Variants in PARP8 observed in about 807,000 individuals in gnomAD.
The protein encoded by PARP8 is poly(ADP-ribose) polymerase family member 8, also known as protein mono-ADP-ribosyltransferase PARP8.
PARP8 carries 51 observed loss-of-function variants against 124.1 expected under a neutral mutation model. That is an observed-to-expected ratio of 0.41 (90% CI 0.33 to 0.52). PARP8 has a LOEUF of 0.52. PARP8 is among the 20% of genes least tolerant of loss of function. PARP8 has a pLI of 0.21. For missense variants in PARP8, 860 were observed against 1,018.9 expected (o/e 0.84, Z 2.12); for synonymous variants, 391 against 361.5 (o/e 1.08, Z -0.93).
intron 10 of PARP8, among the ~76,000 whole-genome samples, chr5:50,793,942 C>G (rs1463324542): frequency 1.3e-5 from 2 of 151,902 alleles, no homozygotes; most frequent in East Asian, 3.9e-4. Flanking sequence ...ATTATCATAT[C>G]CTGGTAATAT....
intron 2 of PARP8, among the ~76,000 whole-genome samples, chr5:50,749,743 A>G (rs1357892515): frequency 6.6e-6 from 1 of 152,122 alleles, no homozygotes; most frequent in Non-Finnish European, 1.5e-5. Context: ...AAACTATTAA[A>G]ATGTTTAAAT....
chr5:50,739,620 G>A (rs1312155940), intron 2 of PARP8, among the ~76,000 whole-genome samples: 1 of 149,290 alleles, frequency 6.7e-6, no homozygotes, highest in Non-Finnish European at 1.5e-5. Context: ...TAAAGTCTGT[G>A]CTCTTTCTCC....
intron 2 of PARP8, chr5:50,744,991 C>T: frequency 2.0e-6 from 1 of 494,326 alleles, no homozygotes; most frequent in South Asian, 3.3e-5. Flanking sequence ...TTGAGCCAAT[C>T]ATCCATGTCT....
intron 2 of PARP8, among the ~76,000 whole-genome samples, chr5:50,700,920 GCAGCA>G (rs1753528903): frequency 6.6e-6 from 1 of 151,938 alleles, no homozygotes; most frequent in Non-Finnish European, 1.5e-5. Context: ...AATCCTCCAA[GCAGCA>G]CTCCAGATCC....
chr5:50,726,719 G>T (rs1044428714), intron 2 of PARP8, among the ~76,000 whole-genome samples: 6 of 152,152 alleles, frequency 3.9e-5, no homozygotes, highest in Non-Finnish European at 7.4e-5. Context: ...AAACCACTGG[G>T]AATTGTGCAG....
chr5:50,760,245 A>G (rs1363419083), intron 4 of PARP8, 47 bp from the exon 5 acceptor site: 23 of 1,372,038 alleles, frequency 1.7e-5, no homozygotes, highest in Non-Finnish European at 2.1e-5. Context: ...CTTGGTAAAT[A>G]GCATACTAAG....
At chr5:50,769,216 T>G (rs762545129) in intron 7 of PARP8, among the ~76,000 whole-genome samples, 1 of 152,114 alleles carries the variant, frequency 6.6e-6, no homozygotes, top group Non-Finnish European at 1.5e-5. Context: ...TATGGTAAAT[T>G]CTGTTGAAGT....
At chr5:50,771,848 A>T (rs1290249758) in intron 7 of PARP8, among the ~76,000 whole-genome samples, 1 of 152,194 alleles carries the variant, frequency 6.6e-6, no homozygotes, top group Non-Finnish European at 1.5e-5. Context: ...ACAAACATTG[A>T]TCTTTTTTGT....
chr5:50,813,976 G>T (rs947553043), intron 14 of PARP8, among the ~76,000 whole-genome samples: 1 of 152,110 alleles, frequency 6.6e-6, no homozygotes, highest in African/African-American at 2.4e-5. Flanking sequence ...AAAAGTGATG[G>T]TTATTCTAAA....
At chr5:50,667,721 G>A (rs962488506) in intron 1 of PARP8, 19 of 700,660 alleles carry the variant, frequency 2.7e-5, no homozygotes, top group Non-Finnish European at 4.4e-5. Flanking sequence ...GATTCCCAAG[G>A]CACCCAGCGC....
In PARP8 at chr5:50,792,293, A is replaced by G. The variant is rs566546451; in HGVS notation, c.738-1914A>G. Reference sequence around the variant, plus strand: ...TGTTATACCAAATGTGTTCATATGTATACTCCAGATTACCCCTGAAATTAA... The same window carrying G: ...TGTTATACCAAATGTGTTCATATGTGTACTCCAGATTACCCCTGAAATTAA... On this transcript the variant is annotated intron_variant, in intron 10 of 25. Coordinates refer to ENST00000281631, the MANE Select transcript of PARP8 (RefSeq NM_024615.4). Among the ~76,000 whole-genome samples, 6 of 152,246 alleles carry G rather than the reference A, an allele frequency of 3.9e-5. No homozygotes were observed. The East Asian group carries it at 1.2e-3, about 29-fold the overall frequency.
chr5:50,822,187 C>G (rs1025286089), intron 16 of PARP8, 148 bp from the exon 17 acceptor site: 1 of 645,808 alleles, frequency 1.5e-6, no homozygotes, highest in African/African-American at 1.9e-5. Context: ...ATAGTCTTCC[C>G]TTTTATGTAC....
intron 2 of PARP8, among the ~76,000 whole-genome samples, chr5:50,728,309 C>G (rs1373213597): frequency 6.6e-6 from 1 of 152,128 alleles, no homozygotes; most frequent in Non-Finnish European, 1.5e-5. Context: ...GATGCTATTG[C>G]AATTAGACTG....
intron 2 of PARP8, among the ~76,000 whole-genome samples, chr5:50,723,246 A>C (rs1756083136): frequency 6.6e-6 from 1 of 152,060 alleles, no homozygotes; most frequent in African/African-American, 2.4e-5. Flanking sequence ...TACAAAACTC[A>C]CTCCAGAATT....
chr5:50,750,070 G>C, intron 2 of PARP8, 81 bp from the exon 3 acceptor site: 1 of 1,106,796 alleles, frequency 9.0e-7, no homozygotes, highest in South Asian at 1.3e-5. Flanking sequence ...TGGGTAACAT[G>C]GGTTTGGTTT....
intron 2 of PARP8, chr5:50,741,766 C>T (rs534304338): frequency 1.2e-5 from 5 of 414,848 alleles, no homozygotes; most frequent in South Asian, 7.0e-5. Flanking sequence ...AAGGGTAATA[C>T]GTAATTTATT....
chr5:50,674,189 A>G (rs1035171076), intron 2 of PARP8, among the ~76,000 whole-genome samples: 2 of 152,180 alleles, frequency 1.3e-5, no homozygotes, highest in Non-Finnish European at 2.9e-5. Flanking sequence ...CCACCTGAGT[A>G]TTTGTCATTT....
chr5:50,836,210 G>C (rs1747565534), intron 25 of PARP8, among the ~76,000 whole-genome samples: 2 of 152,140 alleles, frequency 1.3e-5, no homozygotes, highest in African/African-American at 4.8e-5. Flanking sequence ...AGGCAGCAGT[G>C]AGTATAGGAG....
intron 2 of PARP8, among the ~76,000 whole-genome samples, chr5:50,727,514 T>C (rs1263337966): frequency 6.6e-6 from 1 of 152,184 alleles, no homozygotes; most frequent in Non-Finnish European, 1.5e-5. Context: ...AGTAAAATAC[T>C]TCTGTTAATG....
Sources: gnomAD v4.1 joint callset for allele counts (sites outside exome capture counted in the v4.1 genomes callset) on GRCh38, gnomAD v4.1.1 for gene constraint, MANE v1.5 for transcripts, NCBI Gene and HGNC (gene_info 2026-07-23, HGNC 2026-07-21) for gene names.